TUSC3: variants seen among roughly 807,000 people sequenced by gnomAD.
The protein encoded by TUSC3 is dolichyl-diphosphooligosaccharide--protein glycosyltransferase subunit TUSC3.
TUSC3 carries 45 observed loss-of-function variants against 44.8 expected under a neutral mutation model. The observed-to-expected ratio is 1.00, with a 90% CI of 0.79 to 1.29. The LOEUF is 1.29. TUSC3 is among the 50% of genes most tolerant of loss of function. TUSC3 has a pLI of 0.00. For missense variants in TUSC3, 519 were observed against 437.9 expected (o/e 1.19, Z -1.65); for synonymous variants, 212 against 152.9 (o/e 1.39, Z -2.85).
chr8:15,593,099 T>A (rs1306914161), intron 1 of TUSC3, among the ~76,000 whole-genome samples: 1 of 152,198 alleles, frequency 6.6e-6, no homozygotes, highest in Non-Finnish European at 1.5e-5. Context: ...AAAAAATTTT[T>A]TTTTGAGACG....
At chr8:15,590,743 C>G (rs1313344291) in intron 1 of TUSC3, among the ~76,000 whole-genome samples, 2 of 151,956 alleles carry the variant, frequency 1.3e-5, no homozygotes, top group Non-Finnish European at 2.9e-5. Context: ...GCAATCTTGG[C>G]TCATTGTTGC....
At chr8:15,474,489 C>G (rs1800548394) in intron 1 of TUSC3, among the ~76,000 whole-genome samples, 1 of 152,116 alleles carries the variant, frequency 6.6e-6, no homozygotes, top group South Asian at 2.1e-4. Context: ...TCCCTCCGTT[C>G]AGAGTCCCTG....
At position 15,530,740 on chromosome 8, in the gene TUSC3, G is replaced by T. The variant is rs114708660; in HGVS notation, n.189+47257G>T. Among the ~76,000 whole-genome samples, 1,393 of 152,294 alleles carry T rather than the reference G, an allele frequency of 9.1e-3. 24 individuals are homozygous for T. Among genetic ancestry groups the T allele is most frequent in the African/African-American group, 0.032 (1,334 of 41,562 alleles). ...TCATAATAACACTAGCACATATTAAGTGTGTATCTATTCTGAGGTTTGTAA... is the reference window on the plus strand; with the variant it reads ...TCATAATAACACTAGCACATATTAATTGTGTATCTATTCTGAGGTTTGTAA... On this transcript the variant is annotated intron_variant and non_coding_transcript_variant, in intron 2 of 5. Coordinates refer to the TUSC3 transcript ENST00000503191.
intron 6 of TUSC3, among the ~76,000 whole-genome samples, chr8:15,707,867 G>C (rs574166167): frequency 1.3e-5 from 2 of 151,908 alleles, no homozygotes; most frequent in South Asian, 4.1e-4. Flanking sequence ...GGTTTTTTTG[G>C]AGGTTCTAAG....
At chr8:15,454,655 A>T (rs1374751597) in intron 1 of TUSC3, among the ~76,000 whole-genome samples, 1 of 152,148 alleles carries the variant, frequency 6.6e-6, no homozygotes, top group East Asian at 1.9e-4. Flanking sequence ...TCCGTCAAAT[A>T]TTACTGACTC....
chr8:15,648,794 C>T (rs993541458), intron 2 of TUSC3, among the ~76,000 whole-genome samples: 3 of 133,778 alleles, frequency 2.2e-5, no homozygotes, highest in African/African-American at 5.6e-5. Flanking sequence ...CTTGTTATCA[C>T]GTACCATAAA....
At chr8:15,667,550 A>G (rs9325760) in intron 5 of TUSC3, among the ~76,000 whole-genome samples, 4,298 of 151,876 alleles carry the variant, frequency 0.028, 199 homozygotes, top group African/African-American at 0.099. Flanking sequence ...AAAGGATTGT[A>G]TAAAATGTGT....
At chr8:15,814,469 C>T in the TUSC3 span, among the ~76,000 whole-genome samples, 7 of 152,160 alleles carry the variant, frequency 4.6e-5, no homozygotes, top group African/African-American at 7.2e-5. Flanking sequence ...GCTACTCCAA[C>T]GCAATGCGTT....
intron 2 of TUSC3, among the ~76,000 whole-genome samples, chr8:15,639,998 A>C (rs1461254544): frequency 2.0e-5 from 3 of 152,192 alleles, no homozygotes; most frequent in African/African-American, 7.2e-5. Context: ...TGTTATCGTT[A>C]GAAAGGGGAG....
intron 1 of TUSC3, among the ~76,000 whole-genome samples, chr8:15,547,766 C>G (rs562841734): frequency 6.6e-6 from 1 of 151,308 alleles, no homozygotes; most frequent in African/African-American, 2.4e-5. Context: ...CTCTGGTCCT[C>G]GTTCTCCCAA....
chr8:15,657,553 C>T (rs532345360), intron 3 of TUSC3, among the ~76,000 whole-genome samples: 1 of 152,128 alleles, frequency 6.6e-6, no homozygotes, highest in Non-Finnish European at 1.5e-5. Flanking sequence ...TATTTCTTAC[C>T]AGCATTCTGA....
intron 2 of TUSC3, among the ~76,000 whole-genome samples, chr8:15,510,013 TA>T (rs1194110272): frequency 6.6e-6 from 1 of 151,632 alleles, no homozygotes; most frequent in Non-Finnish European, 1.5e-5. Flanking sequence ...CTACAAAAAA[TA>T]AAAAGAAAAA....
At chr8:15,774,977 C>G in the TUSC3 span, among the ~76,000 whole-genome samples, 1 of 152,000 alleles carries the variant, frequency 6.6e-6, no homozygotes, top group African/African-American at 2.4e-5. Flanking sequence ...AGGTATATAT[C>G]CAAAATAAGG....
intron 1 of TUSC3, among the ~76,000 whole-genome samples, chr8:15,607,215 A>C (rs1407717135): frequency 2.6e-5 from 4 of 152,096 alleles, no homozygotes; most frequent in Non-Finnish European, 5.9e-5. Context: ...CTGTATTTTC[A>C]GTACATTTTT....
At chr8:15,584,689 ATG>A (rs1394433126) in intron 1 of TUSC3, among the ~76,000 whole-genome samples, 2 of 150,534 alleles carry the variant, frequency 1.3e-5, no homozygotes, top group African/African-American at 4.9e-5. Flanking sequence ...GATCTGGAAT[ATG>A]TGTGTATGGG....
At chr8:15,697,313 T>C (rs1563178732) in intron 6 of TUSC3, among the ~76,000 whole-genome samples, 1 of 152,208 alleles carries the variant, frequency 6.6e-6, no homozygotes, top group Non-Finnish European at 1.5e-5. Context: ...TTTCCTTTCT[T>C]CTGCTGAGTT....
chr8:15,428,925 G>A (rs1375114511), intron 1 of TUSC3, among the ~76,000 whole-genome samples: 1 of 152,106 alleles, frequency 6.6e-6, no homozygotes, highest in Non-Finnish European at 1.5e-5. Context: ...TAGGTTGCCT[G>A]TTCACTCTGA....
intron 9 of TUSC3, among the ~76,000 whole-genome samples, chr8:15,749,128 A>ACTT (rs747544902): frequency 3.2e-4 from 20 of 62,766 alleles, no homozygotes; most frequent in African/African-American, 6.7e-4. Context: ...TAAATAACTT[A>ACTT]ACATTTTTTT....
chr8:15,644,035 C>G (rs188218134), intron 2 of TUSC3, among the ~76,000 whole-genome samples: 18 of 151,930 alleles, frequency 1.2e-4, no homozygotes, highest in African/African-American at 3.9e-4. Flanking sequence ...AGAAGCTATA[C>G]TTCTTAAAAC....
Sources: allele counts gnomAD v4.1 joint callset (sites outside exome capture counted in the v4.1 genomes callset), GRCh38; gene constraint gnomAD v4.1.1; transcripts MANE v1.5; gene names NCBI Gene and HGNC (gene_info 2026-07-23, HGNC 2026-07-21).